Variants in UBTF observed in about 807,000 individuals in gnomAD.
UBTF encodes nucleolar transcription factor 1.
In UBTF, 8 loss-of-function variants were observed where a neutral mutation model predicts 112.3. That is an observed-to-expected ratio of 0.07 (90% CI 0.04 to 0.13). UBTF has a LOEUF of 0.13. Ranked by LOEUF, UBTF falls within the 10% of genes least tolerant of loss-of-function variation. The pLI, the probability that UBTF is intolerant of heterozygous loss-of-function variation, is 1.00. For missense variants in UBTF, 457 were observed against 982.1 expected (o/e 0.47, Z 7.15); for synonymous variants, 417 against 373.1 (o/e 1.12, Z -1.36).
intron 5 of UBTF, 111 bp from the exon 6 acceptor site, chr17:44,213,393 G>A: frequency 8.2e-7 from 1 of 1,215,470 alleles, no homozygotes; most frequent in Non-Finnish European, 1.1e-6. Context: ...ACGCTGTGAT[G>A]CAGGGAGTGG....
At chr17:44,212,204 G>A in intron 8 of UBTF, 140 bp downstream of exon 8, 1 of 662,500 alleles carries the variant, frequency 1.5e-6, no homozygotes. Context: ...GAAGGTAGGG[G>A]CAGAGGTGAG....
chr17:44,218,539 C>T, intron 1 of UBTF: 1 of 320,184 alleles, frequency 3.1e-6, no homozygotes, highest in Non-Finnish European at 5.5e-6. Flanking sequence ...AGGGCCTGCT[C>T]CTAGCTCCCG....
rs530698248 is a variant in UBTF, at chr17:44,212,856, G to T, written c.623C>A (p.Thr208Asn). The T allele has an allele frequency of 6.2e-7, 1 of 1,614,150 alleles. No individual in the cohort carries two copies. The highest frequency in any genetic ancestry group is 8.5e-7 in the Non-Finnish European group (1 of 1,179,992). The change falls in exon 7 of 21, where the codon ACC becomes AAC. Residue 208 changes from threonine to asparagine, a missense_variant. Physicochemically the swap from Thr to Asn is moderately conservative, Grantham distance 65. Around this residue, in one of 7 missense-constraint regions of UBTF, gnomAD observed 87 missense variants for 286.6 expected, o/e 0.30. Transcript: ENST00000436088. ...TTTGAGATACACCTTCTTCTCGTGG[G>T]TGTACCACAGCTGCTGGGGGGTTTT... ...KPKTPQQLWY[T>N]HEKKVYLKVR... is the part of the protein sequence containing the mutation.
chr17:44,207,829 C>A (rs750793680), intron 18 of UBTF, 35 bp downstream of exon 18: 2 of 1,614,120 alleles, frequency 1.2e-6, no homozygotes, highest in South Asian at 2.2e-5. Context: ...AATTCCCCCA[C>A]CCCTACCCCA....
Position 44,207,148 on chromosome 17 carries a change from G to C in UBTF, c.*94C>G, listed in dbSNP as rs552987056. The C allele has an allele frequency of 5.7e-6, 8 of 1,407,578 alleles. No homozygotes were observed. In the African/African-American group the frequency reaches 1.0e-4, roughly 18 times the overall value. The allele number at this position is 1,407,578 out of a possible 1,614,324, so 87.2% of individuals were successfully genotyped here. A position where few individuals can be genotyped will look rare whatever the true frequency, so the allele number is the denominator to read the frequency against. The stretch of plus-strand genomic sequence containing the variant: ...GAAAGAAAGTGGGGGAGGCCAGGGG[G>C]GCAAGGGACAGAACATGGGGGAGAA... On this transcript the variant is annotated 3_prime_UTR_variant, in exon 21 of 21. Coordinates refer to ENST00000436088, the MANE Select transcript of UBTF (RefSeq NM_014233.4).
chr17:44,207,277 A>G lies in UBTF; in HGVS notation c.2260T>C (p.Ser754Pro), dbSNP rs1340719008. 1 of 1,613,456 alleles carries G rather than the reference A, an allele frequency of 6.2e-7. No homozygotes were observed. Among genetic ancestry groups the G allele is most frequent in the Non-Finnish European group, 8.5e-7 (1 of 1,179,804 alleles). Residue 754 changes from serine to proline, a missense_variant, in exon 21 of 21, where the codon TCC (serine) becomes CCC (proline). This residue lies in a region of UBTF where 139 missense variants were observed against 157.5 expected (regional missense o/e 0.88). Transcript: ENST00000436088. ...ESEGSSSSSS[S>P]SGDSSDSDSN ...TCAGAGTCTGAGGAGTCCCCTGAGG[A>G]GGAGGAGCTGGAGCTGCTGCCCTCG... is the stretch of plus-strand genomic sequence containing the variant.
In UBTF at chr17:44,215,390, A is replaced by G. The variant is rs1018625787; in HGVS notation, c.474+264T>C. ...GTGTATGGGGGAGAGAGAGCTTGAAACAGAATGCTGTGGGTTTTCTGTAGG... is the reference window on the plus strand; with the variant it reads ...GTGTATGGGGGAGAGAGAGCTTGAAGCAGAATGCTGTGGGTTTTCTGTAGG... On this transcript the variant is annotated intron_variant, in intron 5 of 20. Coordinates refer to ENST00000436088, the MANE Select transcript of UBTF (RefSeq NM_014233.4). The G allele has an allele frequency of 1.8e-5, 9 of 491,502 alleles. No individual in the cohort carries two copies. In the Admixed American group the frequency reaches 3.2e-4, roughly 17 times the overall value. 30.4% of individuals were successfully genotyped at this position (491,502 alleles called of 1,614,324 possible). A position where few individuals can be genotyped will look rare whatever the true frequency, so the allele number is the denominator to read the frequency against.
intron 2 of UBTF, 100 bp downstream of exon 2, chr17:44,218,072 T>C: frequency 1.7e-6 from 2 of 1,174,990 alleles, no homozygotes; most frequent in Non-Finnish European, 2.5e-6. Context: ...CCCAGTTCAG[T>C]GTATGCAGAC....
intron 5 of UBTF, among the ~76,000 whole-genome samples, chr17:44,214,617 C>T (rs1367032229): frequency 1.3e-5 from 2 of 149,106 alleles, no homozygotes; most frequent in Non-Finnish European, 2.9e-5. Flanking sequence ...GCAATCCATA[C>T]CCCTCTCTGC....
rs2047053747 is a variant in UBTF at position 44,219,477 on chromosome 17, C to T, written c.-100G>A. 1 of 152,532 alleles carries T rather than the reference C, an allele frequency of 6.6e-6. No homozygotes were observed. Among genetic ancestry groups the T allele is most frequent in the Non-Finnish European group, 1.5e-5 (1 of 68,008 alleles). The allele number at this position is 152,532 out of a possible 1,614,324, so 9.4% of individuals were successfully genotyped here. ...AGCGCGGCCTCCGGGCTTCCCGCTC[C>T]AGCGGCTCCCTCCCTGGCTCTGAGT... On this transcript the variant is annotated 5_prime_UTR_variant, in exon 1 of 21. Transcript: ENST00000436088.
rs980926521 is a variant in UBTF at position 44,205,290 on chromosome 17, C to G, written c.*1952G>C. ...ACTCAAGAGTGACCTCTTACAGCAC[C>G]AACACCCCCACCCTGACAGTCCTGT... On this transcript the variant is annotated 3_prime_UTR_variant, in exon 21 of 21. Transcript: ENST00000436088. The G allele has an allele frequency of 3.3e-5, 5 of 152,610 alleles. No individual in the cohort carries two copies. The highest frequency in any genetic ancestry group is 9.7e-5 in the African/African-American group (4 of 41,426). 9.5% of individuals were successfully genotyped at this position (152,610 alleles called of 1,614,324 possible).
upstream of UBTF, chr17:44,219,754 C>G (rs1598278357): frequency 6.5e-6 from 1 of 153,760 alleles, no homozygotes; most frequent in East Asian, 1.9e-4. Context: ...CCGCCGCCGC[C>G]GCAGCCTCAG....
intron 5 of UBTF, 92 bp downstream of exon 5, chr17:44,215,562 A>G: frequency 1.3e-6 from 2 of 1,507,610 alleles, no homozygotes; most frequent in East Asian, 2.3e-5. Flanking sequence ...CCCTGATGCC[A>G]GGTTTCTCCA....
At chr17:44,209,204 G>A (rs1269510943) in intron 17 of UBTF, 148 bp downstream of exon 17, 1 of 769,156 alleles carries the variant, frequency 1.3e-6, no homozygotes, top group East Asian at 2.9e-5. Context: ...AAGGGTGATA[G>A]TGACCGTTAT....
In UBTF at chr17:44,210,228, G is replaced by A. The variant is rs1207491061; in HGVS notation, c.1522C>T (p.Arg508Trp). The part of the protein sequence containing the change: ...GDYLARFKND[R>W]VKALKAMEMT... The stretch of plus-strand genomic sequence containing the variant: ...TCCATGGCTTTCAAGGCCTTCACCC[G>A]GTCATTCTGGGGACCAATAAGGGTA... The change falls in exon 15 of 21, where the codon CGG becomes TGG. Residue 508 changes from arginine to tryptophan, a missense_variant. Physicochemically the swap from Arg to Trp is moderately radical, Grantham distance 101 (BLOSUM62 -3). Around this residue, in one of 7 missense-constraint regions of UBTF, gnomAD observed 77 missense variants for 211.9 expected, o/e 0.36. Transcript: ENST00000436088. 6.2e-7 allele frequency: 1 copy of A among 1,614,170 alleles called. No individual in the cohort carries two copies. The highest frequency in any genetic ancestry group is 8.5e-7 in the Non-Finnish European group (1 of 1,180,030).
Position 44,211,205 on chromosome 17 carries a change from G to T in UBTF, c.1090-53C>A. 1.2e-6 allele frequency: 2 copies of T among 1,613,374 alleles called. No individual in the cohort carries two copies. On this transcript the variant is annotated intron_variant, in intron 11 of 20. Transcript: ENST00000436088. The surrounding 1 kb of genome is among the most constrained non-coding windows in gnomAD (Gnocchi z 4.9). ...GCATGCCTGGCACCCAGACTGCATG[G>T]TGCCCTATCTCCAGGGGCTCACCAG...
At chr17:44,218,458 T>C (rs2046959069) in intron 1 of UBTF, 162 bp from the exon 2 acceptor site, 1 of 520,640 alleles carries the variant, frequency 1.9e-6, no homozygotes, top group Admixed American at 4.0e-5. Context: ...GCGCCCCTCC[T>C]CTTCCTCGTG....
intron 17 of UBTF, 147 bp downstream of exon 17, chr17:44,209,205 T>C (rs1208736660): frequency 2.6e-5 from 20 of 778,792 alleles, no homozygotes; most frequent in Non-Finnish European, 3.9e-5. Flanking sequence ...AGGGTGATAG[T>C]GACCGTTATC....
rs976647211 is a variant in UBTF, at chr17:44,205,337, A to G, written c.*1905T>C. On this transcript the variant is annotated 3_prime_UTR_variant, in exon 21 of 21. Coordinates refer to ENST00000436088, the MANE Select transcript of UBTF (RefSeq NM_014233.4). Reference sequence around the variant, plus strand: ...CTGTTTGTACTGTAAGAATTTTTCAATTTTTAAAACAGGAAAGAAAAAGTG... The same window carrying G: ...CTGTTTGTACTGTAAGAATTTTTCAGTTTTTAAAACAGGAAAGAAAAAGTG... The G allele has an allele frequency of 2.0e-5, 3 of 152,638 alleles. No homozygotes were observed. Among genetic ancestry groups the G allele is most frequent in the African/African-American group, 7.2e-5 (3 of 41,448 alleles). The allele number at this position is 152,638 out of a possible 1,614,324, so 9.5% of individuals were successfully genotyped here.
Sources: gnomAD v4.1 joint callset for allele counts (sites outside exome capture counted in the v4.1 genomes callset) on GRCh38, gnomAD v4.1.1 for gene constraint, gnomAD v4.1.1 regional missense constraint, Gnocchi (gnomAD v3.1) non-coding constraint, MANE v1.5 for transcripts, NCBI Gene and HGNC (gene_info 2026-07-23, HGNC 2026-07-21) for gene names.